PCDH15: variants seen among roughly 807,000 people sequenced by gnomAD.
The protein encoded by PCDH15 is protocadherin related 15.
A neutral mutation model predicts 178.5 loss-of-function variants in PCDH15; 129 were observed. The ratio of observed to expected loss-of-function variants is 0.72; its 90% CI spans 0.63 to 0.84. The LOEUF (loss-of-function observed/expected upper bound fraction) is 0.84, where lower values mean the gene tolerates loss of function less well. PCDH15 is among the 40% of genes least tolerant of loss of function. PCDH15 has a pLI of 0.00. For synonymous variants in PCDH15, 800 were observed against 732.0 expected (o/e 1.09, Z -1.50); for missense variants, 2,230 against 2,099.9 (o/e 1.06, Z -1.21).
chr10:54,222,415 T>G (rs1026297143), intron 9 of PCDH15, among the ~76,000 whole-genome samples: 10 of 152,206 alleles, frequency 6.6e-5, no homozygotes, highest in Admixed American at 3.3e-4. Flanking sequence ...AGAATGACAT[T>G]TAGATGGAAT....
intron 1 of PCDH15, among the ~76,000 whole-genome samples, chr10:55,178,831 C>A (rs74136385): frequency 0.012 from 1,861 of 152,144 alleles, 36 homozygotes; most frequent in African/African-American, 0.043. Flanking sequence ...TGCCAAGGAC[C>A]CCTAATCCTG....
At chr10:54,531,731 A>G (rs1347115273) in intron 2 of PCDH15, among the ~76,000 whole-genome samples, 1 of 152,164 alleles carries the variant, frequency 6.6e-6, no homozygotes, top group Non-Finnish European at 1.5e-5. Context: ...TTATATGTTA[A>G]TAACTTGTGT....
intron 1 of PCDH15, among the ~76,000 whole-genome samples, chr10:54,752,349 C>A (rs1183579219): frequency 6.6e-6 from 1 of 151,378 alleles, no homozygotes; most frequent in African/African-American, 2.4e-5. Flanking sequence ...TGGTGGCGGG[C>A]GCCTGTAGTC....
At chr10:55,050,683 AT>A (rs1841139899) in intron 2 of PCDH15, among the ~76,000 whole-genome samples, 1 of 152,084 alleles carries the variant, frequency 6.6e-6, no homozygotes, top group Admixed American at 6.5e-5. Flanking sequence ...TTCATGGTTT[AT>A]TTTTCTCCTT....
chr10:55,242,188 G>T (rs1841561321), intron 1 of PCDH15, among the ~76,000 whole-genome samples: 1 of 152,090 alleles, frequency 6.6e-6, no homozygotes, highest in Admixed American at 6.5e-5. Flanking sequence ...CCAACCACTG[G>T]TGTTGCTTCA....
intron 2 of PCDH15, among the ~76,000 whole-genome samples, chr10:55,414,319 A>G (rs1454978094): frequency 6.6e-6 from 1 of 151,734 alleles, no homozygotes; most frequent in East Asian, 1.9e-4. Context: ...ACTGCTAAGT[A>G]GTAGTAGTAC....
intron 2 of PCDH15, among the ~76,000 whole-genome samples, chr10:54,563,974 A>T (rs2088613001): frequency 6.6e-6 from 1 of 152,144 alleles, no homozygotes; most frequent in Non-Finnish European, 1.5e-5. Flanking sequence ...AACAAACAAA[A>T]AACCTTAGTG....
At chr10:54,002,663 AT>A (rs2135028891) in intron 20 of PCDH15, among the ~76,000 whole-genome samples, 1 of 152,352 alleles carries the variant, frequency 6.6e-6, no homozygotes, top group African/African-American at 2.4e-5. Context: ...AATACAAAGT[AT>A]CAAAACCAAT....
At position 55,524,718 on chromosome 10, in the gene PCDH15, G is replaced by A. The variant is rs118153518; in HGVS notation, c.-156+102907C>T. Among the ~76,000 whole-genome samples the A allele has an allele frequency of 1.0e-3, 157 of 151,450 alleles. 1 individual carries two copies. The highest frequency in any genetic ancestry group is 1.3e-3 in the Non-Finnish European group (90 of 67,646). ...ATACCTCAGAAAGCACTGAGGTATT[G>A]GAGTCATTGTCCATAGCTTATTTAT... On this transcript the variant is annotated intron_variant, in intron 2 of 5. Transcript: ENST00000613346.
At chr10:54,492,425 T>C (rs1160049839) in intron 3 of PCDH15, among the ~76,000 whole-genome samples, 2 of 152,164 alleles carry the variant, frequency 1.3e-5, no homozygotes, top group Non-Finnish European at 2.9e-5. Flanking sequence ...ATGTGGTGGA[T>C]TATAGTAGTT....
chr10:55,260,820 C>T (rs1354712830), intron 1 of PCDH15, among the ~76,000 whole-genome samples: 1 of 152,076 alleles, frequency 6.6e-6, no homozygotes, highest in African/African-American at 2.4e-5. Context: ...AAGTATTATA[C>T]TTCAATTCTC....
chr10:54,825,656 G>T (rs1953118810), intron 3 of PCDH15, among the ~76,000 whole-genome samples: 1 of 151,434 alleles, frequency 6.6e-6, no homozygotes, highest in Admixed American at 6.6e-5. Flanking sequence ...GTGTTTTTTG[G>T]CTGCATAAAT....
At chr10:53,812,383 ATT>A (rs11322657) in intron 35 of PCDH15, among the ~76,000 whole-genome samples, 46 of 147,168 alleles carry the variant, frequency 3.1e-4, no homozygotes, top group Middle Eastern at 3.6e-3. Context: ...AAATTTTTGT[ATT>A]TTTTTTTTTG....
intron 8 of PCDH15, among the ~76,000 whole-genome samples, chr10:54,292,136 C>T (rs1173715586): frequency 6.6e-6 from 1 of 152,184 alleles, no homozygotes; most frequent in Non-Finnish European, 1.5e-5. Flanking sequence ...ATCAAGCTGG[C>T]TTCATTCCTG....
rs371033238 is a variant in PCDH15, at chr10:53,965,305, G to A, written c.2869-3413C>T. ...AAACTCCTGACCTCATGATCCGCTC[G>A]CCTTTGCCTTCCAAAGGGCTGAGAT... On this transcript the variant is annotated intron_variant, in intron 21 of 37. Coordinates refer to ENST00000644397, the MANE Select transcript of PCDH15 (RefSeq NM_001384140.1). 1.1e-4 allele frequency among the ~76,000 whole-genome samples: 16 copies of A among 152,040 alleles called. No individual in the cohort carries two copies. The South Asian group carries it at 2.1e-3, about 20-fold the overall frequency.
chr10:54,579,687 C>T (rs1435859764), intron 2 of PCDH15, among the ~76,000 whole-genome samples: 2 of 152,000 alleles, frequency 1.3e-5, no homozygotes, highest in Non-Finnish European at 1.5e-5. Context: ...ACATTCCTCT[C>T]ATCTGCACAC....
intron 2 of PCDH15, among the ~76,000 whole-genome samples, chr10:55,490,273 A>G (rs1840382911): frequency 6.6e-6 from 1 of 151,778 alleles, no homozygotes. Flanking sequence ...TAAGGTTCCT[A>G]GAATTTGCAA....
intron 18 of PCDH15, among the ~76,000 whole-genome samples, chr10:54,059,004 T>C (rs2093959551): frequency 6.6e-6 from 1 of 152,094 alleles, no homozygotes; most frequent in Non-Finnish European, 1.5e-5. Context: ...AGAACTTATT[T>C]CTTCTAACAG....
intron 3 of PCDH15, among the ~76,000 whole-genome samples, chr10:54,819,965 A>T (rs1953010026): frequency 6.6e-6 from 1 of 152,064 alleles, no homozygotes; most frequent in African/African-American, 2.4e-5. Flanking sequence ...TTATAACTAA[A>T]GCATTACTTG....
Sources: gnomAD v4.1 joint callset for allele counts (sites outside exome capture counted in the v4.1 genomes callset) on GRCh38, gnomAD v4.1.1 for gene constraint, MANE v1.5 for transcripts, NCBI Gene and HGNC (gene_info 2026-07-23, HGNC 2026-07-21) for gene names.